BZW2: variants seen among roughly 807,000 people sequenced by gnomAD.
BZW2 encodes basic leucine zipper and W2 domains 2.
A neutral mutation model predicts 53.2 loss-of-function variants in BZW2; 23 were observed. The ratio of observed to expected loss-of-function variants is 0.43; its 90% CI spans 0.31 to 0.61. The LOEUF is 0.61. Ranked by LOEUF, BZW2 falls within the 20% of genes least tolerant of loss-of-function variation. The pLI is 0.09. For synonymous variants in BZW2, 227 were observed against 186.4 expected (o/e 1.22, Z -1.77); for missense variants, 409 against 503.1 (o/e 0.81, Z 1.79).
intron 6 of BZW2, 49 bp from the exon 7 acceptor site, chr7:16,689,748 A>T (rs757022539): frequency 2.0e-6 from 3 of 1,502,338 alleles, no homozygotes; most frequent in South Asian, 1.2e-5. Context: ...CACCATCACA[A>T]TTGGTTTTGC....
intron 7 of BZW2, among the ~76,000 whole-genome samples, chr7:16,692,394 A>C (rs1301086941): frequency 1.3e-5 from 2 of 152,218 alleles, no homozygotes; most frequent in Admixed American, 1.3e-4. Context: ...CCTTTCCTTC[A>C]TGAAGCTTAT....
chr7:16,657,996 A>G (rs993544032), intron 1 of BZW2, among the ~76,000 whole-genome samples: 1 of 152,192 alleles, frequency 6.6e-6, no homozygotes, highest in African/African-American at 2.4e-5. Context: ...GTATGCTACA[A>G]TGTGGGTAGT....
intron 1 of BZW2, among the ~76,000 whole-genome samples, chr7:16,655,216 C>A (rs927766564): frequency 6.6e-6 from 1 of 152,014 alleles, no homozygotes; most frequent in East Asian, 1.9e-4. Flanking sequence ...TCTGTAGACT[C>A]CAGAGGAAAT....
Position 16,696,820 on chromosome 7 carries a change from G to C in BZW2, c.823-95G>C, listed in dbSNP as rs544692285. The C allele has an allele frequency of 1.1e-3, 1,369 of 1,296,744 alleles. 19 individuals carry two copies. The South Asian group carries it at 0.016, about 15-fold the overall frequency. The allele number at this position is 1,296,744 out of a possible 1,614,324, so 80.3% of individuals were successfully genotyped here. A position where few individuals can be genotyped will look rare whatever the true frequency, so the allele number is the denominator to read the frequency against. ...GAGAAGCTAAGCAGATTGTTTCTTAGCTGCCCCAAAACCTTGATTGACTGG... is the reference window on the plus strand; with the variant it reads ...GAGAAGCTAAGCAGATTGTTTCTTACCTGCCCCAAAACCTTGATTGACTGG... On this transcript the variant is annotated intron_variant, in intron 8 of 11. Coordinates refer to ENST00000258761, the MANE Select transcript of BZW2 (RefSeq NM_014038.3).
At chr7:16,646,414 T>G (rs927979793) in intron 1 of BZW2, 126 bp downstream of exon 1, 24 of 161,560 alleles carry the variant, frequency 1.5e-4, no homozygotes, top group Non-Finnish European at 2.8e-5. Flanking sequence ...TGGGGCGGCT[T>G]CCTGCCTCGC....
At chr7:16,656,227 TG>T (rs1377141943) in intron 1 of BZW2, among the ~76,000 whole-genome samples, 7 of 152,196 alleles carry the variant, frequency 4.6e-5, no homozygotes, top group Admixed American at 4.6e-4. Flanking sequence ...TTAATTCTCC[TG>T]GAACAGTTCT....
At chr7:16,681,539 T>G (rs1782946318) in intron 4 of BZW2, 135 bp downstream of exon 4, 9 of 732,172 alleles carry the variant, frequency 1.2e-5, no homozygotes, top group Non-Finnish European at 2.0e-5. Flanking sequence ...GCATTAAAAC[T>G]ACAAAAATAG....
chr7:16,704,614 T>C lies in BZW2; in HGVS notation c.1176T>C (p.Ser392=). 6.3e-7 allele frequency: 1 copy of C among 1,596,066 alleles called. No individual in the cohort carries two copies. Among genetic ancestry groups the C allele is most frequent in the South Asian group, 1.1e-5 (1 of 89,458 alleles). The change falls in exon 11 of 12, where the codon AGT becomes AGC. Residue 392 remains serine (S), a synonymous_variant. Transcript: ENST00000258761. The part of the protein sequence containing the change: ...YKEAHVAKGK[S]VFLDQMKKFV... ...AAGCACATGTTGCTAAAGGCAAAAG[T>C]GTTTTTCTTGACCAGATGAAGAAAT... is the stretch of plus-strand genomic sequence containing the variant.
chr7:16,666,595 G>GT (rs1167950299), intron 2 of BZW2, among the ~76,000 whole-genome samples: 7 of 152,044 alleles, frequency 4.6e-5, no homozygotes, highest in Non-Finnish European at 1.0e-4. Flanking sequence ...TACAGACGGG[G>GT]TTTCACCATA....
chr7:16,705,133 G>T (rs1055384989), intron 11 of BZW2, among the ~76,000 whole-genome samples: 15 of 152,056 alleles, frequency 9.9e-5, no homozygotes, highest in Admixed American at 9.8e-4. Context: ...GAGGTGGGTG[G>T]ATCACCTGAG....
intron 1 of BZW2, among the ~76,000 whole-genome samples, chr7:16,655,288 A>G (rs888692028): frequency 1.3e-5 from 2 of 152,224 alleles, no homozygotes; most frequent in African/African-American, 4.8e-5. Context: ...AAGCATTATT[A>G]GTTCATAGTT....
chr7:16,675,935 A>T (rs901684540), intron 3 of BZW2, among the ~76,000 whole-genome samples: 4 of 152,010 alleles, frequency 2.6e-5, no homozygotes, highest in African/African-American at 7.2e-5. Context: ...ACAAAATTTA[A>T]CAGGATGTGG....
chr7:16,662,770 G>A (rs561551932), intron 1 of BZW2, among the ~76,000 whole-genome samples: 25 of 151,584 alleles, frequency 1.6e-4, no homozygotes, highest in African/African-American at 4.9e-4. Flanking sequence ...TAGAGAGAGA[G>A]AAAAAAGGAA....
intron 5 of BZW2, among the ~76,000 whole-genome samples, chr7:16,683,189 C>G (rs1198723817): frequency 6.6e-6 from 1 of 152,080 alleles, no homozygotes; most frequent in East Asian, 1.9e-4. Context: ...GAGCAAGACT[C>G]CATCTCAAAA....
chr7:16,701,478 C>G (rs1003715887), intron 10 of BZW2, among the ~76,000 whole-genome samples: 1 of 152,028 alleles, frequency 6.6e-6, no homozygotes, highest in African/African-American at 2.4e-5. Context: ...AGCATATATT[C>G]CCAGCATTCT....
chr7:16,673,007 G>A (rs1372304824), intron 2 of BZW2, among the ~76,000 whole-genome samples: 3 of 151,540 alleles, frequency 2.0e-5, no homozygotes, highest in East Asian at 1.9e-4. Context: ...GTGCAATGGC[G>A]CGATCTTGGC....
intron 4 of BZW2, among the ~76,000 whole-genome samples, chr7:16,681,895 A>G (rs921402751): frequency 6.6e-6 from 1 of 152,222 alleles, no homozygotes; most frequent in Admixed American, 6.5e-5. Context: ...GGGAATTTAA[A>G]TATTTATTCT....
At chr7:16,654,034 G>A (rs1349946186) in intron 1 of BZW2, among the ~76,000 whole-genome samples, 1 of 131,810 alleles carries the variant, frequency 7.6e-6, no homozygotes, top group African/African-American at 3.0e-5. Flanking sequence ...ATCACTTGAG[G>A]CCAGGAGTTC....
intron 8 of BZW2, 22 bp downstream of exon 8, chr7:16,695,026 T>A: frequency 6.4e-7 from 1 of 1,553,896 alleles, no homozygotes; most frequent in Non-Finnish European, 8.8e-7. Flanking sequence ...CGGGCAGACA[T>A]CACCTCAATA....
Sources: gnomAD v4.1 joint callset for allele counts (sites outside exome capture counted in the v4.1 genomes callset) on GRCh38, gnomAD v4.1.1 for gene constraint, MANE v1.5 for transcripts, NCBI Gene and HGNC (gene_info 2026-07-23, HGNC 2026-07-21) for gene names.